Variants in SLC25A43 observed in about 807,000 individuals in gnomAD.
The protein encoded by SLC25A43 is solute carrier family 25, member 43.
A neutral mutation model predicts 22.8 loss-of-function variants in SLC25A43; 10 were observed. The ratio of observed to expected loss-of-function variants is 0.44; its 90% CI spans 0.27 to 0.74. The LOEUF is 0.74. SLC25A43 is among the 30% of genes least tolerant of loss of function. The pLI is 0.17. For missense variants in SLC25A43, 233 were observed against 279.1 expected (o/e 0.83, Z 1.18); for synonymous variants, 106 against 121.6 (o/e 0.87, Z 0.84).
rs1245059422 is a variant in SLC25A43 at position 119,454,300 on chromosome X, T to C, written c.*1235T>C. The C allele has an allele frequency of 1.8e-5, 2 of 112,509 alleles. No individual in the cohort carries two copies. Among genetic ancestry groups the C allele is most frequent in the Non-Finnish European group, 1.9e-5 (1 of 53,290 alleles). The allele number at this position is 112,509 out of a possible 1,213,427, so 9.3% of individuals were successfully genotyped here. A position where few individuals can be genotyped will look rare whatever the true frequency, so the allele number is the denominator to read the frequency against. On this transcript the variant is annotated 3_prime_UTR_variant, in exon 5 of 5. Transcript: ENST00000217909. Reference sequence around the variant, plus strand: ...CTCAGGATTGTTCCACTTTAGAGATTCTATGTAAAGTTTATATAACTATAC... The same window carrying C: ...CTCAGGATTGTTCCACTTTAGAGATCCTATGTAAAGTTTATATAACTATAC...
At chrX:119,429,064 C>CT (rs758808277) in intron 3 of SLC25A43, among the ~76,000 whole-genome samples, 23,337 of 96,987 alleles carry the variant, frequency 0.24, 2,506 homozygotes, top group Middle Eastern at 0.3. Context: ...TGTCTTACAT[C>CT]TTTTTTTTTT....
chrX:119,445,661 C>G (rs1161556497), intron 3 of SLC25A43, among the ~76,000 whole-genome samples: 3 of 111,934 alleles, frequency 2.7e-5, no homozygotes, highest in Non-Finnish European at 5.6e-5. Context: ...TGCTATGCAC[C>G]AGCTGGGGGC....
intron 3 of SLC25A43, among the ~76,000 whole-genome samples, chrX:119,442,744 T>A (rs1332384947): frequency 8.9e-6 from 1 of 112,449 alleles, no homozygotes. Context: ...AAGAGAGAAA[T>A]GAAATGAATT....
intron 3 of SLC25A43, among the ~76,000 whole-genome samples, chrX:119,443,684 C>T (rs1344277320): frequency 9.1e-6 from 1 of 110,458 alleles, no homozygotes; most frequent in African/African-American, 3.3e-5. Flanking sequence ...GAAGGCATAA[C>T]TCAAAAGTTT....
At chrX:119,450,605 A>T (rs1283862464) in intron 3 of SLC25A43, among the ~76,000 whole-genome samples, 1 of 111,731 alleles carries the variant, frequency 9.0e-6, no homozygotes, top group Non-Finnish European at 1.9e-5. Context: ...AACCTGCTCA[A>T]CTCCAGAGTT....
chrX:119,451,763 A>G, intron 3 of SLC25A43: 1 of 947,092 alleles, frequency 1.1e-6, no homozygotes, highest in Admixed American at 4.6e-5. Context: ...AATCTGTCCC[A>G]AATGTCTGCT....
intron 2 of SLC25A43, among the ~76,000 whole-genome samples, 174 bp downstream of exon 2, chrX:119,406,875 C>T (rs887251953): frequency 8.8e-6 from 1 of 113,102 alleles, no homozygotes; most frequent in Non-Finnish European, 1.9e-5. Flanking sequence ...CACTCCACTC[C>T]TAAACTTTGG....
intron 3 of SLC25A43, among the ~76,000 whole-genome samples, chrX:119,413,568 A>G (rs2052369701): frequency 9.0e-6 from 1 of 111,044 alleles, no homozygotes; most frequent in Non-Finnish European, 1.9e-5. Context: ...TTAGCTGGTC[A>G]TGGTGGCACA....
At chrX:119,422,734 C>T (rs2052465285) in intron 3 of SLC25A43, among the ~76,000 whole-genome samples, 1 of 111,820 alleles carries the variant, frequency 8.9e-6, no homozygotes, top group Admixed American at 9.6e-5. Flanking sequence ...TCTGCATGTC[C>T]CCTGTCTAAA....
chrX:119,435,078 A>C (rs1028070128), intron 3 of SLC25A43, among the ~76,000 whole-genome samples: 4 of 111,201 alleles, frequency 3.6e-5, no homozygotes, highest in Non-Finnish European at 5.7e-5. Context: ...ACCTCAAGTT[A>C]TCTGCCCACC....
rs2052297545 is a variant in SLC25A43, at chrX:119,406,504, G to T, written c.320G>T (p.Trp107Leu). 1 of 1,209,384 alleles carries T rather than the reference G, an allele frequency of 8.3e-7. No homozygotes were observed. The highest frequency in any genetic ancestry group is 2.2e-5 in the Admixed American group (1 of 45,721). Residue 107 changes from tryptophan (W) to leucine (L), a missense_variant, in exon 2 of 5, where the codon TGG becomes TTG. Transcript: ENST00000217909. The stretch of plus-strand genomic sequence containing the variant: ...GATGACCTGGGCCACATTTCCCAGT[G>T]GAGCTCCATCATGGCTGGGAGTCTC... ...FTDDLGHISQ[W>L]SSIMAGSLAG...
In SLC25A43 at chrX:119,434,786, C is replaced by G. The variant is rs143636254; in HGVS notation, c.691-17223C>G. On this transcript the variant is annotated intron_variant, in intron 3 of 4. Transcript: ENST00000217909. ...ACCTGTGAATAGCCTGTGTTGCCCA[C>G]TCCAGCTTGGGCAACATAGTGACAC... 5.5e-3 allele frequency: 572 copies of G among 104,743 alleles called. 5 individuals are homozygous for G. Among genetic ancestry groups the G allele is most frequent in the African/African-American group, 0.019 (553 of 28,510 alleles). The allele number at this position is 104,743 out of a possible 1,213,427, so 8.6% of individuals were successfully genotyped here.
chrX:119,410,185 T>C lies in SLC25A43; in HGVS notation c.518-5T>C, dbSNP rs16995513. 55,051 of 1,207,336 alleles carry C rather than the reference T, an allele frequency of 0.046. 1,298 individuals are homozygous for C. Among genetic ancestry groups the C allele is most frequent in the Admixed American group, 0.14 (6,517 of 45,504 alleles). ...CAGCAGCTTCTCCCTGGCCTTGTTT[T>C]GCAGGTGCTCTCCCGTTCTCTGCTG... On this transcript the variant is annotated splice_polypyrimidine_tract_variant and splice_region_variant and intron_variant, in intron 2 of 4. Transcript: ENST00000217909.
Position 119,452,974 on chromosome X carries a change from G to A in SLC25A43, c.935G>A (p.Gly312Glu), listed in dbSNP as rs770726930. Residue 312 changes from glycine (G) to glutamate (E), a missense_variant, in exon 5 of 5, where the codon GGA (glycine) becomes GAA (glutamate). Physicochemically the swap from Gly to Glu is moderately conservative, Grantham distance 98. Transcript: ENST00000217909. ...CCACTGAGCTATAAATTGACCCCAG[G>A]AGTCGATCAGAGTTTGCAGCCCCAG... ...LSPLSYKLTP[G>E]VDQSLQPQEL... The A allele has an allele frequency of 3.3e-6, 4 of 1,208,856 alleles. No homozygotes were observed. In the African/African-American group the frequency reaches 5.3e-5, roughly 16 times the overall value.
intron 3 of SLC25A43, among the ~76,000 whole-genome samples, chrX:119,425,045 TAACTC>T (rs1243367843): frequency 1.1e-5 from 1 of 94,981 alleles, no homozygotes; most frequent in Non-Finnish European, 2.1e-5. Flanking sequence ...AGGGAATGGT[TAACTC>T]AAGTTAGAGA....
intron 3 of SLC25A43, among the ~76,000 whole-genome samples, chrX:119,433,065 T>C (rs1476404879): frequency 1.8e-5 from 2 of 111,252 alleles, no homozygotes; most frequent in Non-Finnish European, 3.8e-5. Context: ...ACCACTGCAC[T>C]CCAGCCTGGG....
At chrX:119,409,356 TTTTTAGTAGAGATGGAGTTTCCG>T (rs1413759833) in intron 2 of SLC25A43, among the ~76,000 whole-genome samples, 4 of 107,835 alleles carry the variant, frequency 3.7e-5, no homozygotes, top group East Asian at 2.9e-4. Context: ...ACTTTTTGTA[TTTTTAGTAGAGATGGAGTTTCCG>T]TTTTAGTAGA....
At chrX:119,419,708 T>A (rs1466037762) in intron 3 of SLC25A43, among the ~76,000 whole-genome samples, 3 of 111,971 alleles carry the variant, frequency 2.7e-5, no homozygotes, top group Non-Finnish European at 5.6e-5. Context: ...TGCATCAAGC[T>A]GACCTCTTCT....
intron 3 of SLC25A43, among the ~76,000 whole-genome samples, chrX:119,432,340 T>A (rs2052560580): frequency 2.7e-5 from 3 of 112,017 alleles, no homozygotes; most frequent in Admixed American, 1.9e-4. Context: ...TAATAATATG[T>A]AAGTCAGATG....
Sources: allele counts gnomAD v4.1 joint callset (sites outside exome capture counted in the v4.1 genomes callset), GRCh38; gene constraint gnomAD v4.1.1; transcripts MANE v1.5; gene names NCBI Gene and HGNC (gene_info 2026-07-23, HGNC 2026-07-21).